VPS4A: variants seen among roughly 807,000 people sequenced by gnomAD.
VPS4A encodes the protein vacuolar protein sorting 4 homolog A, also known as vacuolar protein sorting-associated protein 4A.
A neutral mutation model predicts 52.3 loss-of-function variants in VPS4A; 20 were observed. The observed-to-expected ratio is 0.38, with a 90% CI of 0.27 to 0.56. The LOEUF is 0.56. Ranked by LOEUF, VPS4A falls within the 20% of genes least tolerant of loss-of-function variation. The probability of loss-of-function intolerance (pLI) is 0.72; values close to 1 mark genes in which losing one functional copy is unlikely to be tolerated. For missense variants in VPS4A, 419 were observed against 575.9 expected, an observed-to-expected ratio of 0.73 and a Z score of 2.79; for synonymous variants, 293 against 227.7, an observed-to-expected ratio of 1.29 and a Z score of -2.58.
At chr16:69,322,493 G>A (rs949503781) in intron 9 of VPS4A, 67 bp from the exon 10 acceptor site, 4 of 1,503,152 alleles carry the variant, frequency 2.7e-6, no homozygotes, top group African/African-American at 2.8e-5. Context: ...CTTCCTTAGA[G>A]ACCGGAGGGG....
At chr16:69,324,065 G>A (rs1965551669) in intron 10 of VPS4A, 143 bp from the exon 11 acceptor site, 2 of 720,568 alleles carry the variant, frequency 2.8e-6, no homozygotes, top group South Asian at 3.5e-5. Flanking sequence ...GAGGGTCCCT[G>A]CCATAGGCAG....
chr16:69,324,689 A>G lies in VPS4A; in HGVS notation c.*380A>G. The G allele has an allele frequency of 4.7e-6, 1 of 212,840 alleles. No homozygotes were observed. Among genetic ancestry groups the G allele is most frequent in the Non-Finnish European group, 9.9e-6 (1 of 101,508 alleles). The allele number at this position is 212,840 out of a possible 1,614,324, so 13.2% of individuals were successfully genotyped here. On this transcript the variant is annotated 3_prime_UTR_variant, in exon 11 of 11. Transcript: ENST00000254950. ...TGGGGCGGGGTGGCGGGGGAGAAGC[A>G]GCCGTGCTGCCAGGTCACCCAGACC...
In VPS4A at chr16:69,322,560, G is replaced by T; in HGVS notation, c.1072G>T (p.Val358Phe). 6.2e-7 allele frequency: 1 copy of T among 1,612,256 alleles called. No homozygotes were observed. Residue 358 changes from valine (V) to phenylalanine (F), a missense_variant and splice_region_variant, in exon 10 of 11, where the codon GTC becomes TTC. Physicochemically the swap from Val to Phe is conservative, Grantham distance 50. This residue lies in a region of VPS4A where 185 missense variants were observed against 200.2 expected (regional missense o/e 0.92). Transcript: ENST00000254950. ...KVQSATHFKK[V>F]CGPSRTNPSM... is the part of the protein sequence containing the mutation. ...CCCAGTCAGATCCATTTGGTTTCAG[G>T]TCTGTGGCCCCTCTCGCACCAACCC...
At chr16:69,322,814 A>G (rs1965530626) in intron 10 of VPS4A, 114 bp downstream of exon 10, 2 of 1,380,206 alleles carry the variant, frequency 1.4e-6, no homozygotes, top group African/African-American at 1.4e-5. Flanking sequence ...TCACGCCTGT[A>G]ATCCCAGCAC....
rs1051433674 is a variant in VPS4A, at chr16:69,320,025, CG to C, written c.621-114del. On this transcript the variant is annotated intron_variant, in intron 6 of 10. Coordinates refer to ENST00000254950, the MANE Select transcript of VPS4A (RefSeq NM_013245.3). The surrounding 1 kb of genome is among the most constrained non-coding windows in gnomAD (Gnocchi z 4.2). ...CTCACCACCACGTTTTCCGCAATTC[CG>C]GCATGACCGTGGCCTGCGCCTCCCT... The C allele has an allele frequency of 4.3e-6, 6 of 1,387,198 alleles. No homozygotes were observed. The Admixed American group carries it at 1.5e-4, about 34-fold the overall frequency. The allele number at this position is 1,387,198 out of a possible 1,614,324, so 85.9% of individuals were successfully genotyped here.
chr16:69,315,136 T>C (rs970209805), intron 1 of VPS4A, among the ~76,000 whole-genome samples: 7 of 151,842 alleles, frequency 4.6e-5, no homozygotes, highest in African/African-American at 1.7e-4. Context: ...GAGGTGGAGG[T>C]TGCAGTGAGC....
rs1405746677 is a variant in VPS4A at position 69,320,869 on chromosome 16, C to T, written c.851+100C>T. ...CCCGGGTGCAGCCTGGCCCCTTTTC[C>T]CTGGAGTCTTCCCGTCTGCCTGCCA... On this transcript the variant is annotated intron_variant, in intron 8 of 10. Transcript: ENST00000254950. This position sits in a 1 kb window ranked among gnomAD's most constrained non-coding sequence, Gnocchi z 4.2. The T allele has an allele frequency of 2.3e-6, 3 of 1,328,762 alleles. No homozygotes were observed. Among genetic ancestry groups the T allele is most frequent in the African/African-American group, 2.9e-5 (2 of 68,572 alleles). The allele number at this position is 1,328,762 out of a possible 1,614,324, so 82.3% of individuals were successfully genotyped here.
intron 3 of VPS4A, 64 bp downstream of exon 3, chr16:69,316,436 C>A: frequency 6.3e-7 from 1 of 1,585,506 alleles, no homozygotes; most frequent in Non-Finnish European, 8.6e-7. Flanking sequence ...TCATTCCTGG[C>A]GCTCATGCTG....
intron 3 of VPS4A, among the ~76,000 whole-genome samples, chr16:69,316,869 T>G (rs1965443483): frequency 6.6e-6 from 1 of 152,146 alleles, no homozygotes; most frequent in Non-Finnish European, 1.5e-5. Flanking sequence ...CCTGCCGAGG[T>G]GGCACAGGAT....
Position 69,316,352 on chromosome 16 carries a change from G to A in VPS4A, c.261G>A (p.Glu87=). The A allele has an allele frequency of 6.2e-7, 1 of 1,613,820 alleles. No individual in the cohort carries two copies. Among genetic ancestry groups the A allele is most frequent in the Non-Finnish European group, 8.5e-7 (1 of 1,179,842 alleles). Residue 87 remains glutamate (E), a synonymous_variant, in exon 3 of 11, where the codon GAG becomes GAA. Transcript: ENST00000254950. ...AACACGGCAAGAAGCCAGTCAAAGA[G>A]AACCAGAGTGAGGGCAAGGGGTGAG... ...KEKHGKKPVK[E]NQSEGKGSDS...
intron 3 of VPS4A, among the ~76,000 whole-genome samples, chr16:69,318,276 G>C (rs1439022653): frequency 6.6e-6 from 1 of 152,178 alleles, no homozygotes; most frequent in Non-Finnish European, 1.5e-5. Context: ...CCCAGCCTGG[G>C]CTGTGAGAGC....
chr16:69,320,651 G>A lies in VPS4A; in HGVS notation c.770-37G>A. 1.3e-6 allele frequency: 2 copies of A among 1,556,724 alleles called. No individual in the cohort carries two copies. The highest frequency in any genetic ancestry group is 4.7e-5 in the East Asian group (2 of 42,472). The stretch of plus-strand genomic sequence containing the variant: ...CAGGTTTCAACTGACCCGTGCAGGT[G>A]TCCAGAGTCTGAGTCTTTGTCTCCC... On this transcript the variant is annotated intron_variant, in intron 7 of 10. Coordinates refer to ENST00000254950, the MANE Select transcript of VPS4A (RefSeq NM_013245.3). This position sits in a 1 kb window ranked among gnomAD's most constrained non-coding sequence, Gnocchi z 4.2.
At chr16:69,317,644 T>C (rs1965454215) in intron 3 of VPS4A, among the ~76,000 whole-genome samples, 1 of 152,002 alleles carries the variant, frequency 6.6e-6, no homozygotes, top group African/African-American at 2.4e-5. Flanking sequence ...ATACAAAATA[T>C]TAGCCGGGCG....
chr16:69,320,786 A>G lies in VPS4A; in HGVS notation c.851+17A>G, dbSNP rs768153522. The G allele has an allele frequency of 6.3e-6, 10 of 1,593,406 alleles. No homozygotes were observed. The African/African-American group carries it at 1.1e-4, about 17-fold the overall frequency. On this transcript the variant is annotated intron_variant, in intron 8 of 10. Coordinates refer to ENST00000254950, the MANE Select transcript of VPS4A (RefSeq NM_013245.3). This position sits in a 1 kb window ranked among gnomAD's most constrained non-coding sequence, Gnocchi z 4.2. ...CAGGAGGAGGTGAGTCTTCCCCAGGAGAAGCCAGGGCTGGAGGCTTCCTCC... is the reference window on the plus strand; with the variant it reads ...CAGGAGGAGGTGAGTCTTCCCCAGGGGAAGCCAGGGCTGGAGGCTTCCTCC...
chr16:69,311,636 C>CCGGCCTCG, intron 1 of VPS4A, 104 bp downstream of exon 1: 3 of 1,151,258 alleles, frequency 2.6e-6, no homozygotes, highest in Non-Finnish European at 3.3e-6. Flanking sequence ...CCTCCCAGCC[C>CCGGCCTCG]CGGCCTCGCG....
intron 3 of VPS4A, 54 bp downstream of exon 3, chr16:69,316,426 T>C: frequency 6.3e-7 from 1 of 1,598,058 alleles, no homozygotes; most frequent in South Asian, 1.1e-5. Context: ...CGGCTCCCTA[T>C]CATTCCTGGC....
rs777560955 is a variant in VPS4A, at chr16:69,320,555, G to A, written c.770-133G>A. The A allele has an allele frequency of 2.3e-6, 2 of 861,516 alleles. No individual in the cohort carries two copies. The highest frequency in any genetic ancestry group is 3.6e-6 in the Non-Finnish European group (2 of 552,680). 53.4% of individuals were successfully genotyped at this position (861,516 alleles called of 1,614,324 possible). A position where few individuals can be genotyped will look rare whatever the true frequency, so the allele number is the denominator to read the frequency against. On this transcript the variant is annotated intron_variant, in intron 7 of 10. Transcript: ENST00000254950. This position sits in a 1 kb window ranked among gnomAD's most constrained non-coding sequence, Gnocchi z 4.2. ...CAAGATGTGGTTTAATCTCACTTGG[G>A]ACCCTGCCAGTGGTGGGTGGCACAG...
At chr16:69,317,710 G>A (rs910680367) in intron 3 of VPS4A, among the ~76,000 whole-genome samples, 1 of 151,978 alleles carries the variant, frequency 6.6e-6, no homozygotes, top group African/African-American at 2.4e-5. Context: ...GGAGAATGGC[G>A]TGAACCCGGG....
intron 1 of VPS4A, among the ~76,000 whole-genome samples, chr16:69,311,800 G>A (rs1184349831): frequency 1.3e-5 from 2 of 152,248 alleles, no homozygotes; most frequent in South Asian, 2.1e-4. Context: ...TACCGCCGTG[G>A]GGATCAGCCT....
Sources: gnomAD v4.1 joint callset for allele counts (sites outside exome capture counted in the v4.1 genomes callset) on GRCh38, gnomAD v4.1.1 for gene constraint, gnomAD v4.1.1 regional missense constraint, Gnocchi (gnomAD v3.1) non-coding constraint, MANE v1.5 for transcripts, NCBI Gene and HGNC (gene_info 2026-07-23, HGNC 2026-07-21) for gene names.